The following SAV1 variants were observed in gnomAD, a reference collection of about 807,000 sequenced individuals.
SAV1 encodes the protein protein salvador homolog 1.
Under a neutral mutation model 47.3 loss-of-function variants are expected in SAV1, and 23 were observed. The observed-to-expected ratio is 0.49, with a 90% CI of 0.35 to 0.69. The LOEUF is 0.69. Among genes scored for constraint, SAV1 ranks in the 30% least tolerant of loss-of-function variants. The probability of loss-of-function intolerance (pLI) is 0.01; values close to 1 mark genes in which losing one functional copy is unlikely to be tolerated. For missense variants in SAV1, 448 were observed against 457.4 expected (o/e 0.98, Z 0.19); for synonymous variants, 155 against 159.2 (o/e 0.97, Z 0.20).
chr14:50,635,200 G>A lies in SAV1; in HGVS notation c.1135C>T (p.His379Tyr), dbSNP rs1436398494. Reference sequence around the variant, plus strand: ...AAATCAGCTCAAAAATTTTTTCCATGTTGTTGGGCATACCACTGCTGTCTC... The same window carrying A: ...AAATCAGCTCAAAAATTTTTTCCATATTGTTGGGCATACCACTGCTGTCTC... The part of the protein sequence containing the change: ...KQRQQWYAQQ[H>Y]GKNF Residue 379 changes from histidine to tyrosine, a missense_variant, in exon 5 of 5, where the codon CAT (histidine) becomes TAT (tyrosine). Transcript: ENST00000324679. 4 of 1,612,694 alleles carry A rather than the reference G, an allele frequency of 2.5e-6. No individual in the cohort carries two copies. In the Admixed American group the frequency reaches 6.7e-5, roughly 27 times the overall value.
In SAV1 at chr14:50,667,981, G is replaced by C; in HGVS notation, c.-14C>G. 6.2e-7 allele frequency: 1 copy of C among 1,604,492 alleles called. No homozygotes were observed. Among genetic ancestry groups the C allele is most frequent in the South Asian group, 1.1e-5 (1 of 90,572 alleles). On this transcript the variant is annotated 5_prime_UTR_variant, in exon 1 of 5. Transcript: ENST00000324679. Reference sequence around the variant, plus strand: ...TCGGGACAGCATCCTTCTCGACGAGGCCCGAGGCCGCGCTGAACTGCCTCC... The same window carrying C: ...TCGGGACAGCATCCTTCTCGACGAGCCCCGAGGCCGCGCTGAACTGCCTCC...
At chr14:50,646,173 C>T (rs766569063) in intron 2 of SAV1, among the ~76,000 whole-genome samples, 11 of 152,034 alleles carry the variant, frequency 7.2e-5, no homozygotes, top group Non-Finnish European at 1.3e-4. Context: ...CCTATACATA[C>T]GTATCTATGA....
At chr14:50,655,122 T>C (rs1295443017) in intron 2 of SAV1, among the ~76,000 whole-genome samples, 2 of 152,150 alleles carry the variant, frequency 1.3e-5, no homozygotes, top group Non-Finnish European at 2.9e-5. Context: ...CTTCAGTACT[T>C]AAAGAGAAAA....
rs1312490473 is a variant in SAV1, at chr14:50,668,302, C to G, written c.-335G>C. 6.0e-6 allele frequency: 1 copy of G among 166,148 alleles called. No homozygotes were observed. The highest frequency in any genetic ancestry group is 1.3e-5 in the Non-Finnish European group (1 of 77,612). The allele number at this position is 166,148 out of a possible 1,614,324, so 10.3% of individuals were successfully genotyped here. The stretch of plus-strand genomic sequence containing the variant: ...GCCGCGGGCCGCCGAATAACCGCTA[C>G]CACTACCGCCGCCGCCGCCTACATC... On this transcript the variant is annotated 5_prime_UTR_variant, in exon 1 of 5. Transcript: ENST00000324679.
Position 50,668,304 on chromosome 14 carries a change from A to T in SAV1, c.-337T>A, listed in dbSNP as rs540890524. On this transcript the variant is annotated 5_prime_UTR_variant, in exon 1 of 5. Coordinates refer to ENST00000324679, the MANE Select transcript of SAV1 (RefSeq NM_021818.4). ...CGCGGGCCGCCGAATAACCGCTACC[A>T]CTACCGCCGCCGCCGCCTACATCCC... The T allele has an allele frequency of 6.2e-6, 1 of 160,462 alleles. No individual in the cohort carries two copies. Among genetic ancestry groups the T allele is most frequent in the African/African-American group, 2.4e-5 (1 of 40,966 alleles). The allele number at this position is 160,462 out of a possible 1,614,324, so 9.9% of individuals were successfully genotyped here.
intron 1 of SAV1, among the ~76,000 whole-genome samples, 194 bp from the exon 2 acceptor site, chr14:50,665,813 A>G (rs1483888498): frequency 6.6e-6 from 1 of 152,234 alleles, no homozygotes; most frequent in Non-Finnish European, 1.5e-5. Context: ...AATCAAATGA[A>G]TTTATATAAC....
At position 50,668,174 on chromosome 14, in the gene SAV1, C is replaced by A. The variant is rs1595657436; in HGVS notation, c.-207G>T. The A allele has an allele frequency of 6.8e-6, 2 of 294,538 alleles. No homozygotes were observed. The highest frequency in any genetic ancestry group is 1.4e-4 in the South Asian group (1 of 7,358). The allele number at this position is 294,538 out of a possible 1,614,324, so 18.2% of individuals were successfully genotyped here. On this transcript the variant is annotated 5_prime_UTR_variant, in exon 1 of 5. Transcript: ENST00000324679. ...CTAAGCGCGCCGGCCGCCGCTCAGT[C>A]GCTGGTCAGTTCCTTCCCGGAAGTC...
At chr14:50,648,197 G>C (rs2039738101) in intron 2 of SAV1, among the ~76,000 whole-genome samples, 1 of 152,168 alleles carries the variant, frequency 6.6e-6, no homozygotes, top group Admixed American at 6.5e-5. Flanking sequence ...GTCTCAAGTG[G>C]CTACAAATTG....
Position 50,644,992 on chromosome 14 carries a change from T to G in SAV1, c.558A>C (p.Thr186=). Reference sequence around the variant, plus strand: ...CATGGTTAGTCAAATTTCCTAAAGATGTAGCAGCAACTCTCCCAATACCTA... The same window carrying G: ...CATGGTTAGTCAAATTTCCTAAAGAGGTAGCAGCAACTCTCCCAATACCTA... ...HASGIGRVAA[T]SLGNLTNHGS... Residue 186 remains threonine (T), a synonymous_variant, in exon 3 of 5, where the codon ACA becomes ACC. Coordinates refer to ENST00000324679, the MANE Select transcript of SAV1 (RefSeq NM_021818.4). 1 of 1,611,602 alleles carries G rather than the reference T, an allele frequency of 6.2e-7. No homozygotes were observed. The highest frequency in any genetic ancestry group is 1.6e-4 in the Middle Eastern group (1 of 6,062).
chr14:50,644,535 T>A (rs78692462), intron 3 of SAV1, among the ~76,000 whole-genome samples: 1 of 150,876 alleles, frequency 6.6e-6, no homozygotes, highest in Non-Finnish European at 1.5e-5. Context: ...ATCTTGTTTT[T>A]GAGGTTTTTT....
At chr14:50,637,627 G>A (rs1378024706) in intron 4 of SAV1, 1 of 137,460 alleles carries the variant, frequency 7.3e-6, no homozygotes, top group Admixed American at 7.2e-5. Flanking sequence ...TTCAAGTTTT[G>A]TCTAAAGGAA....
rs373259210 is a variant in SAV1 at position 50,665,538 on chromosome 14, G to A, written c.176C>T (p.Ala59Val). 37 of 1,613,928 alleles carry A rather than the reference G, an allele frequency of 2.3e-5. No homozygotes were observed. Among genetic ancestry groups the A allele is most frequent in the Non-Finnish European group, 3.1e-5 (37 of 1,179,942 alleles). ...AACTACATCTCCAGAAGTTGAAAAG[G>A]CATTAGGGCTTGAATCTGGAAGACA... The part of the protein sequence containing the change: ...DICLPDSSPN[A>V]FSTSGDVVSR... The change falls in exon 2 of 5, where the codon GCC (alanine) becomes GTC (valine). Residue 59 changes from alanine to valine, a missense_variant. Coordinates refer to ENST00000324679, the MANE Select transcript of SAV1 (RefSeq NM_021818.4).
At chr14:50,651,158 C>T (rs892961043) in intron 2 of SAV1, among the ~76,000 whole-genome samples, 1 of 152,200 alleles carries the variant, frequency 6.6e-6, no homozygotes, top group African/African-American at 2.4e-5. Flanking sequence ...AAGCCGCTTC[C>T]AAAATCCTGA....
At chr14:50,651,056 T>C (rs147921376) in intron 2 of SAV1, among the ~76,000 whole-genome samples, 704 of 23,684 alleles carry the variant, frequency 0.03, 3 homozygotes, top group Admixed American at 0.045. Flanking sequence ...AATGGATCTT[T>C]CAGCCAGAGC....
At chr14:50,662,411 C>T (rs1370095144) in intron 2 of SAV1, 1 of 152,210 alleles carries the variant, frequency 6.6e-6, no homozygotes, top group African/African-American at 2.4e-5. Flanking sequence ...TCGTGATCCA[C>T]CCTCCTTGGC....
chr14:50,661,378 C>A lies in SAV1; in HGVS notation c.535+3801G>T, dbSNP rs117280266. Among the ~76,000 whole-genome samples, 163 of 152,330 alleles carry A rather than the reference C, an allele frequency of 1.1e-3. 2 individuals are homozygous for A. The East Asian group carries it at 0.017, about 15-fold the overall frequency. ...TTGCTGGATGAATCTTTTGCAAACACTTTCTCCTATTCAATATGTTGTCTC... is the reference window on the plus strand; with the variant it reads ...TTGCTGGATGAATCTTTTGCAAACAATTTCTCCTATTCAATATGTTGTCTC... On this transcript the variant is annotated intron_variant, in intron 2 of 4. Coordinates refer to ENST00000324679, the MANE Select transcript of SAV1 (RefSeq NM_021818.4).
chr14:50,644,917 C>A lies in SAV1; in HGVS notation c.633G>T (p.Met211Ile), dbSNP rs1449532872. ...LPPGWSVDWTMRGRKYYIDHN... is the reference protein window; with the variant it reads ...LPPGWSVDWTIRGRKYYIDHN... ...GATCTATATAATATTTTCTCCCTCT[C>A]ATTGTCCAGTCCACAGACCAGCCAG... The change falls in exon 3 of 5, where the codon ATG becomes ATT. Residue 211 changes from methionine to isoleucine, a missense_variant. Coordinates refer to ENST00000324679, the MANE Select transcript of SAV1 (RefSeq NM_021818.4). 6 of 1,614,086 alleles carry A rather than the reference C, an allele frequency of 3.7e-6. No homozygotes were observed. The highest frequency in any genetic ancestry group is 5.1e-6 in the Non-Finnish European group (6 of 1,179,996).
At chr14:50,653,817 C>G (rs942088340) in intron 2 of SAV1, among the ~76,000 whole-genome samples, 31 of 150,838 alleles carry the variant, frequency 2.1e-4, no homozygotes, top group Admixed American at 2.0e-3. Flanking sequence ...GGCAGTGAGC[C>G]GAGATCATGC....
chr14:50,650,945 C>T (rs919040022), intron 2 of SAV1, among the ~76,000 whole-genome samples: 5 of 151,930 alleles, frequency 3.3e-5, no homozygotes, highest in Admixed American at 1.3e-4. Flanking sequence ...ACACTTGAAC[C>T]TGGGAGATGG....
Sources: allele counts gnomAD v4.1 joint callset (sites outside exome capture counted in the v4.1 genomes callset), GRCh38; gene constraint gnomAD v4.1.1; transcripts MANE v1.5; gene names NCBI Gene and HGNC (gene_info 2026-07-23, HGNC 2026-07-21).